FRK: variants seen among roughly 807,000 people sequenced by gnomAD.
FRK encodes the protein tyrosine-protein kinase FRK.
A neutral mutation model predicts 56.4 loss-of-function variants in FRK; 51 were observed. The observed-to-expected ratio is 0.90, with a 90% CI of 0.72 to 1.14. The LOEUF (loss-of-function observed/expected upper bound fraction) is 1.14. Ranked by LOEUF, FRK falls within the 50% of genes most tolerant of loss-of-function variation. FRK has a pLI of 0.00. For missense variants in FRK, 570 were observed against 601.4 expected (o/e 0.95, Z 0.55); for synonymous variants, 245 against 217.9 (o/e 1.12, Z -1.10).
chr6:116,038,496 T>C (rs542161744), intron 1 of FRK, among the ~76,000 whole-genome samples: 1 of 152,260 alleles, frequency 6.6e-6, no homozygotes, highest in South Asian at 2.1e-4. Flanking sequence ...TGAATAAGCA[T>C]TAGCTGGACT....
chr6:115,965,837 G>A (rs1362512945), intron 4 of FRK, among the ~76,000 whole-genome samples: 1 of 60,060 alleles, frequency 1.7e-5, no homozygotes, highest in Admixed American at 1.9e-4. Context: ...ACTCATAGGT[G>A]GGAATTGAAC....
At chr6:116,016,815 A>T (rs966105744) in intron 1 of FRK, among the ~76,000 whole-genome samples, 5 of 152,170 alleles carry the variant, frequency 3.3e-5, no homozygotes, top group Admixed American at 1.3e-4. Context: ...AATTACCAAT[A>T]ATAACACCAA....
chr6:116,084,106 G>A, the FRK span, among the ~76,000 whole-genome samples: 5 of 152,178 alleles, frequency 3.3e-5, no homozygotes, highest in Non-Finnish European at 5.9e-5. Flanking sequence ...CAAAGCAAAT[G>A]CACCAAGGCA....
intron 1 of FRK, among the ~76,000 whole-genome samples, chr6:116,038,206 A>G (rs371970365): frequency 2.0e-5 from 3 of 152,342 alleles, no homozygotes; most frequent in East Asian, 1.9e-4. Context: ...TTGGTTTACA[A>G]TGAGTCTTCC....
At chr6:116,083,114 G>A in the FRK span, among the ~76,000 whole-genome samples, 15 of 152,070 alleles carry the variant, frequency 9.9e-5, no homozygotes, top group Non-Finnish European at 2.1e-4. Flanking sequence ...TACCAAGGAG[G>A]GAGAGATCAA....
intron 5 of FRK, among the ~76,000 whole-genome samples, chr6:115,952,010 G>A (rs1026289624): frequency 4.3e-4 from 65 of 151,992 alleles, no homozygotes; most frequent in African/African-American, 9.2e-4. Context: ...CATGTCCTTC[G>A]CCCACTTTTT....
chr6:115,953,133 A>AT (rs1772837566), intron 5 of FRK, among the ~76,000 whole-genome samples: 2 of 141,214 alleles, frequency 1.4e-5, no homozygotes, highest in African/African-American at 5.3e-5. Context: ...TCTTAATAAT[A>AT]TTTATCATGA....
At chr6:116,026,489 CAGGAAGGAAGGA>C (rs146813023) in intron 1 of FRK, among the ~76,000 whole-genome samples, 5 of 123,678 alleles carry the variant, frequency 4.0e-5, no homozygotes, top group East Asian at 2.3e-4. Flanking sequence ...TAAGTTGAAC[CAGGAAGGAAGGA>C]AGGAAGGAAG....
At chr6:116,084,502 T>A in the FRK span, among the ~76,000 whole-genome samples, 3 of 152,148 alleles carry the variant, frequency 2.0e-5, no homozygotes, top group Non-Finnish European at 4.4e-5. Flanking sequence ...ATGACTGGGG[T>A]GACTGTAATA....
Position 116,060,655 on chromosome 6 carries a change from A to G in FRK, c.-344T>C, listed in dbSNP as rs1777594295. 5.2e-6 allele frequency: 1 copy of G among 191,706 alleles called. No individual in the cohort carries two copies. The highest frequency in any genetic ancestry group is 1.1e-5 in the Non-Finnish European group (1 of 92,446). The allele number at this position is 191,706 out of a possible 1,614,324, so 11.9% of individuals were successfully genotyped here. On this transcript the variant is annotated 5_prime_UTR_variant, in exon 1 of 8. Coordinates refer to ENST00000606080, the MANE Select transcript of FRK (RefSeq NM_002031.3). Reference sequence around the variant, plus strand: ...TTAAAAGGGCTTTATTTAGACAAATATCTGAGAACAGAATGGTGCCATCTT... The same window carrying G: ...TTAAAAGGGCTTTATTTAGACAAATGTCTGAGAACAGAATGGTGCCATCTT...
intron 1 of FRK, among the ~76,000 whole-genome samples, chr6:116,025,417 T>C (rs977577981): frequency 2.6e-5 from 4 of 152,208 alleles, no homozygotes; most frequent in African/African-American, 4.8e-5. Flanking sequence ...AAAAAATGAC[T>C]AAAACTTTAT....
At chr6:115,992,914 C>A (rs1264506778) in intron 2 of FRK, among the ~76,000 whole-genome samples, 2 of 151,730 alleles carry the variant, frequency 1.3e-5, no homozygotes, top group Non-Finnish European at 3.0e-5. Flanking sequence ...CAAAGCAATG[C>A]ATAAACTTCT....
At chr6:116,100,121 C>G in the FRK span, among the ~76,000 whole-genome samples, 15 of 152,296 alleles carry the variant, frequency 9.8e-5, no homozygotes, top group Non-Finnish European at 1.9e-4. Flanking sequence ...TTGTAGTATG[C>G]TCTATATATT....
intron 1 of FRK, among the ~76,000 whole-genome samples, chr6:116,004,964 T>C (rs553199756): frequency 2.7e-5 from 4 of 150,788 alleles, no homozygotes; most frequent in Non-Finnish European, 4.4e-5. Context: ...AGAGAAGAAA[T>C]GCAGGCTTAA....
chr6:115,988,850 A>T (rs1368719312), intron 2 of FRK, among the ~76,000 whole-genome samples: 2 of 151,968 alleles, frequency 1.3e-5, no homozygotes, highest in South Asian at 4.1e-4. Flanking sequence ...TCAAACATTT[A>T]TTTAGTTGTT....
the FRK span, among the ~76,000 whole-genome samples, chr6:116,081,660 AATAT>A: frequency 1.3e-5 from 2 of 148,762 alleles, no homozygotes; most frequent in African/African-American, 2.5e-5. Context: ...TCCATATAAA[AATAT>A]ATATATATAT....
At chr6:116,096,048 C>T in the FRK span, among the ~76,000 whole-genome samples, 1 of 152,176 alleles carries the variant, frequency 6.6e-6, no homozygotes, top group East Asian at 1.9e-4. Flanking sequence ...TATTTTTAAC[C>T]TCCTTGTCAA....
intron 1 of FRK, among the ~76,000 whole-genome samples, chr6:116,058,056 T>C (rs946101037): frequency 6.6e-6 from 1 of 152,060 alleles, no homozygotes; most frequent in Non-Finnish European, 1.5e-5. Context: ...GATGAGGAAA[T>C]TGAGGTCCTA....
chr6:116,011,614 A>G (rs1251768590), intron 1 of FRK, among the ~76,000 whole-genome samples: 1 of 152,160 alleles, frequency 6.6e-6, no homozygotes, highest in Non-Finnish European at 1.5e-5. Context: ...TTTTCATCAC[A>G]GTTACACATG....
Sources: allele counts gnomAD v4.1 joint callset (sites outside exome capture counted in the v4.1 genomes callset), GRCh38; gene constraint gnomAD v4.1.1; transcripts MANE v1.5; gene names NCBI Gene and HGNC (gene_info 2026-07-23, HGNC 2026-07-21).